Variants in WDFY2 observed in about 807,000 individuals in gnomAD.
The protein encoded by WDFY2 is WD repeat and FYVE domain containing 2.
A neutral mutation model predicts 56.4 loss-of-function variants in WDFY2; 36 were observed. The ratio of observed to expected loss-of-function variants is 0.64; its 90% CI spans 0.49 to 0.84. The LOEUF (loss-of-function observed/expected upper bound fraction) is 0.84, where lower values mean the gene tolerates loss of function less well. Among genes scored for constraint, WDFY2 ranks in the 40% least tolerant of loss-of-function variants. WDFY2 has a pLI of 0.00. For synonymous variants in WDFY2, 176 were observed against 183.7 expected, an observed-to-expected ratio of 0.96 and a Z score of 0.34; for missense variants, 444 against 512.2, an observed-to-expected ratio of 0.87 and a Z score of 1.29.
At chr13:51,628,851 T>C (rs1300745346) in intron 1 of WDFY2, among the ~76,000 whole-genome samples, 1 of 152,230 alleles carries the variant, frequency 6.6e-6, no homozygotes, top group Non-Finnish European at 1.5e-5. Context: ...GTCATAACTT[T>C]AAGATTGAGC....
At chr13:51,714,834 A>G (rs1952307905) in intron 4 of WDFY2, among the ~76,000 whole-genome samples, 1 of 152,228 alleles carries the variant, frequency 6.6e-6, no homozygotes, top group African/African-American at 2.4e-5. Context: ...GAATGTACTT[A>G]CACACCTAGA....
Position 51,761,986 on chromosome 13 carries a change from GCT to G in WDFY2, c.*2220_*2221del, listed in dbSNP as rs1480043959. 1 of 152,224 alleles carries G rather than the reference GCT, an allele frequency of 6.6e-6. No homozygotes were observed. The highest frequency in any genetic ancestry group is 1.9e-4 in the East Asian group (1 of 5,200). The allele number at this position is 152,224 out of a possible 1,614,324, so 9.4% of individuals were successfully genotyped here. A position where few individuals can be genotyped will look rare whatever the true frequency, so the allele number is the denominator to read the frequency against. ...TACTTTGAGTCTTTTCTGCATGATT[GCT>G]CTTTGAGAGAACTTTAACAAGGGAA... On this transcript the variant is annotated 3_prime_UTR_variant, in exon 12 of 12. Coordinates refer to ENST00000298125, the MANE Select transcript of WDFY2 (RefSeq NM_052950.4).
intron 3 of WDFY2, among the ~76,000 whole-genome samples, chr13:51,701,310 C>T (rs1327958833): frequency 6.6e-6 from 1 of 151,984 alleles, no homozygotes; most frequent in Non-Finnish European, 1.5e-5. Context: ...ATCACGAGGT[C>T]AGGAGTTCCA....
intron 1 of WDFY2, among the ~76,000 whole-genome samples, chr13:51,657,095 C>T (rs1344815438): frequency 6.6e-6 from 1 of 151,972 alleles, no homozygotes; most frequent in African/African-American, 2.4e-5. Flanking sequence ...GATTTTTTCT[C>T]ATGTACCATT....
chr13:51,603,257 C>T (rs73197844), intron 1 of WDFY2, among the ~76,000 whole-genome samples: 8,069 of 152,286 alleles, frequency 0.053, 291 homozygotes, highest in Non-Finnish European at 0.085. Context: ...AAGAGCCCAA[C>T]CACTGCATGT....
chr13:51,675,707 C>G (rs2138503857), intron 3 of WDFY2, among the ~76,000 whole-genome samples: 1 of 152,146 alleles, frequency 6.6e-6, no homozygotes, highest in Middle Eastern at 3.4e-3. Flanking sequence ...TTCCAGCTCC[C>G]TTTAGCATCT....
At chr13:51,692,038 G>T (rs1292091937) in intron 3 of WDFY2, among the ~76,000 whole-genome samples, 6 of 152,178 alleles carry the variant, frequency 3.9e-5, no homozygotes, top group South Asian at 4.1e-4. Flanking sequence ...TTTGTACATT[G>T]ATTTTGTATC....
At chr13:51,705,318 G>A (rs1308264349) in intron 4 of WDFY2, among the ~76,000 whole-genome samples, 1 of 152,158 alleles carries the variant, frequency 6.6e-6, no homozygotes, top group East Asian at 1.9e-4. Flanking sequence ...GAGGCATGCA[G>A]CTAAACTGCA....
intron 3 of WDFY2, among the ~76,000 whole-genome samples, chr13:51,696,176 G>T (rs1200557071): frequency 1.3e-5 from 2 of 152,152 alleles, no homozygotes; most frequent in Admixed American, 6.5e-5. Flanking sequence ...AGGGTGTGCT[G>T]CACCCACTAT....
intron 1 of WDFY2, chr13:51,586,220 G>C (rs1331014368): frequency 2.5e-6 from 1 of 395,156 alleles, no homozygotes; most frequent in Non-Finnish European, 4.5e-6. Context: ...GAAATTCTTT[G>C]GCACAGTATT....
intron 8 of WDFY2, among the ~76,000 whole-genome samples, chr13:51,751,667 A>G (rs1396335959): frequency 6.6e-6 from 1 of 152,198 alleles, no homozygotes; most frequent in East Asian, 1.9e-4. Flanking sequence ...ATTCACAGCA[A>G]AAGTACAGGT....
Position 51,584,770 on chromosome 13 carries a change from A to T in WDFY2, c.83A>T (p.Asn28Ile). The change falls in exon 1 of 12, where the codon AAT (asparagine) becomes ATT (isoleucine). Residue 28 changes from asparagine to isoleucine, a missense_variant. By Grantham distance (149) the Asn-to-Ile change is moderately radical (BLOSUM62 -3). Coordinates refer to ENST00000298125, the MANE Select transcript of WDFY2 (RefSeq NM_052950.4). ...QRMEGSQEVVNMAVIVPKEEG... is the reference protein window; with the variant it reads ...QRMEGSQEVVIMAVIVPKEEG... ...ATGGAGGGGTCCCAGGAGGTGGTGA[A>T]TATGGCCGTGATCGTGCCCAAAGAG... 2 of 1,613,886 alleles carry T rather than the reference A, an allele frequency of 1.2e-6. No individual in the cohort carries two copies.
At chr13:51,756,772 G>T in intron 10 of WDFY2, 1 of 461,454 alleles carries the variant, frequency 2.2e-6, no homozygotes, top group South Asian at 9.2e-5. Flanking sequence ...TTACCCAGGA[G>T]TATAAGGGCT....
At chr13:51,681,399 G>A (rs1352439797) in intron 3 of WDFY2, among the ~76,000 whole-genome samples, 3 of 152,294 alleles carry the variant, frequency 2.0e-5, no homozygotes, top group South Asian at 2.1e-4. Flanking sequence ...AGGTGAATTT[G>A]AAGAAAATTT....
intron 2 of WDFY2, among the ~76,000 whole-genome samples, chr13:51,670,489 GCACACACACACA>G (rs55984632): frequency 6.2e-4 from 81 of 131,492 alleles, no homozygotes; most frequent in Admixed American, 2.2e-3. Flanking sequence ...GTGCGCACAT[GCACACACACACA>G]CACACACACA....
At chr13:51,620,518 C>G (rs891074971) in intron 1 of WDFY2, among the ~76,000 whole-genome samples, 1 of 152,066 alleles carries the variant, frequency 6.6e-6, no homozygotes, top group African/African-American at 2.4e-5. Flanking sequence ...CTAGTGGTCC[C>G]TGAAACCTTT....
At chr13:51,734,981 C>A (rs1952803841) in intron 6 of WDFY2, among the ~76,000 whole-genome samples, 1 of 152,236 alleles carries the variant, frequency 6.6e-6, no homozygotes. Flanking sequence ...TGTGTCTGCA[C>A]TGCCTGGAAT....
intron 3 of WDFY2, among the ~76,000 whole-genome samples, chr13:51,687,158 T>G (rs1286210429): frequency 6.6e-6 from 1 of 150,920 alleles, no homozygotes; most frequent in Non-Finnish European, 1.5e-5. Context: ...AGAGCTATTA[T>G]GTAAATTAAT....
chr13:51,741,581 G>T (rs982808221), intron 7 of WDFY2, among the ~76,000 whole-genome samples: 1 of 152,132 alleles, frequency 6.6e-6, no homozygotes, highest in Non-Finnish European at 1.5e-5. Context: ...GGCAGGCAGG[G>T]AACAACTTGC....
Sources: gnomAD v4.1 joint callset for allele counts (sites outside exome capture counted in the v4.1 genomes callset) on GRCh38, gnomAD v4.1.1 for gene constraint, MANE v1.5 for transcripts, NCBI Gene and HGNC (gene_info 2026-07-23, HGNC 2026-07-21) for gene names.